SCN11A: variants seen among roughly 807,000 people sequenced by gnomAD.
The protein encoded by SCN11A is sodium voltage-gated channel alpha subunit 11.
In SCN11A, 122 loss-of-function variants were observed where a neutral mutation model predicts 162.2. That is an observed-to-expected ratio of 0.75 (90% CI 0.65 to 0.87). The LOEUF is 0.87. SCN11A is among the 40% of genes least tolerant of loss of function. SCN11A has a pLI of 0.00. For synonymous variants in SCN11A, 758 were observed against 751.5 expected, an observed-to-expected ratio of 1.01 and a Z score of -0.14; for missense variants, 2,015 against 2,181.6, an observed-to-expected ratio of 0.92 and a Z score of 1.52.
chr3:38,879,466 A>G (rs1001217219), intron 23 of SCN11A, among the ~76,000 whole-genome samples: 1 of 152,192 alleles, frequency 6.6e-6, no homozygotes, highest in African/African-American at 2.4e-5. Context: ...GGTGTCATAC[A>G]ATGCTGCTTA....
rs141094463 is a variant in SCN11A, at chr3:39,043,648, G to A, written c.-404+8213C>T. The stretch of plus-strand genomic sequence containing the variant: ...AAGCAACTGAACTCATGGATACAGA[G>A]AATAGAAGAATGGTTACCAGAAACT... On this transcript the variant is annotated intron_variant, in intron 1 of 29. Transcript: ENST00000302328. Among the ~76,000 whole-genome samples, 706 of 150,782 alleles carry A rather than the reference G, an allele frequency of 4.7e-3. 6 individuals carry two copies. Among genetic ancestry groups the A allele is most frequent in the African/African-American group, 0.016 (645 of 41,320 alleles).
chr3:39,041,310 C>G (rs1017466648), intron 1 of SCN11A, among the ~76,000 whole-genome samples: 8 of 152,094 alleles, frequency 5.3e-5, no homozygotes, highest in African/African-American at 1.9e-4. Context: ...TGAAACCCTT[C>G]TAAGACTTTG....
intron 7 of SCN11A, among the ~76,000 whole-genome samples, chr3:38,936,228 T>C (rs2125563574): frequency 6.6e-6 from 1 of 152,168 alleles, no homozygotes; most frequent in South Asian, 2.1e-4. Context: ...CTCAAAATAA[T>C]AAGAGCTATC....
At chr3:39,018,775 G>A (rs1404244029) in intron 2 of SCN11A, among the ~76,000 whole-genome samples, 2 of 152,066 alleles carry the variant, frequency 1.3e-5, no homozygotes, top group Admixed American at 6.6e-5. Context: ...CCGAGATGGC[G>A]CCACTGCACT....
Position 38,945,584 on chromosome 3 carries a change from G to A in SCN11A, c.387-72C>T. The A allele has an allele frequency of 2.8e-6, 3 of 1,075,338 alleles. No homozygotes were observed. In the African/African-American group the frequency reaches 4.8e-5, roughly 17 times the overall value. The allele number at this position is 1,075,338 out of a possible 1,614,324, so 66.6% of individuals were successfully genotyped here. A position where few individuals can be genotyped will look rare whatever the true frequency, so the allele number is the denominator to read the frequency against. Reference sequence around the variant, plus strand: ...CATTAGCTACTGGGTAAGACTGGGGGTGCCCCTGATGGTCCCCTTTTCTGC... The same window carrying A: ...CATTAGCTACTGGGTAAGACTGGGGATGCCCCTGATGGTCCCCTTTTCTGC... On this transcript the variant is annotated intron_variant, in intron 6 of 29. Transcript: ENST00000302328.
chr3:39,023,890 G>A (rs778501860), intron 2 of SCN11A, among the ~76,000 whole-genome samples: 6 of 152,194 alleles, frequency 3.9e-5, no homozygotes, highest in East Asian at 3.9e-4. Flanking sequence ...TGATCTGCCC[G>A]CCTTGGCCTC....
intron 24 of SCN11A, 98 bp downstream of exon 24, chr3:38,872,095 G>C (rs1009734898): frequency 1.5e-5 from 12 of 787,422 alleles, no homozygotes; most frequent in Non-Finnish European, 2.4e-5. Context: ...CCCAGGAAAA[G>C]CTTGGCAATT....
intron 8 of SCN11A, among the ~76,000 whole-genome samples, chr3:38,926,219 C>T (rs2066138225): frequency 6.6e-6 from 1 of 152,188 alleles, no homozygotes; most frequent in Non-Finnish European, 1.5e-5. Flanking sequence ...CTTCACCTTA[C>T]ACCATACATG....
At chr3:38,908,202 G>A in intron 13 of SCN11A, 80 bp from the exon 14 acceptor site, 1 of 1,261,946 alleles carries the variant, frequency 7.9e-7, no homozygotes, top group Admixed American at 2.1e-5. Context: ...CCTGAGAGTG[G>A]TGAAAATCTC....
At chr3:38,851,832 T>C (rs1048641868) in intron 28 of SCN11A, among the ~76,000 whole-genome samples, 6 of 152,110 alleles carry the variant, frequency 3.9e-5, no homozygotes, top group Non-Finnish European at 8.8e-5. Flanking sequence ...CAGATAAAGA[T>C]AAAAGCATAT....
At chr3:38,980,399 T>A (rs1406092128) in intron 2 of SCN11A, among the ~76,000 whole-genome samples, 2 of 152,010 alleles carry the variant, frequency 1.3e-5, no homozygotes, top group Non-Finnish European at 2.9e-5. Context: ...GGAAGGGAAG[T>A]TAATGGGGAA....
intron 9 of SCN11A, among the ~76,000 whole-genome samples, chr3:38,921,858 T>G (rs2066058398): frequency 1.3e-5 from 2 of 152,242 alleles, no homozygotes; most frequent in Non-Finnish European, 2.9e-5. Flanking sequence ...GGCACACTGT[T>G]AAGCTGCCAA....
At chr3:39,008,744 G>A (rs2031044716) in intron 2 of SCN11A, among the ~76,000 whole-genome samples, 1 of 152,054 alleles carries the variant, frequency 6.6e-6, no homozygotes, top group South Asian at 2.1e-4. Flanking sequence ...AAGGGTGGGT[G>A]TAGTGGCACG....
intron 11 of SCN11A, 69 bp downstream of exon 11, chr3:38,919,866 G>A (rs2066016973): frequency 1.8e-6 from 2 of 1,126,990 alleles, no homozygotes; most frequent in South Asian, 1.3e-5. Context: ...ATTAAAGACT[G>A]TTTGCCACAC....
chr3:38,963,490 G>A (rs1244675414), intron 2 of SCN11A, among the ~76,000 whole-genome samples: 2 of 137,404 alleles, frequency 1.5e-5, no homozygotes, highest in African/African-American at 5.3e-5. Flanking sequence ...TATATATGAT[G>A]GAGATATATA....
chr3:39,013,030 TATAAATGCAAG>T (rs1294632198), intron 2 of SCN11A, among the ~76,000 whole-genome samples: 1 of 152,230 alleles, frequency 6.6e-6, no homozygotes, highest in Non-Finnish European at 1.5e-5. Flanking sequence ...AGCTAGAGTT[TATAAATGCAAG>T]ATAAATGCTT....
intron 19 of SCN11A, 107 bp from the exon 20 acceptor site, chr3:38,886,345 CT>C: frequency 1.6e-6 from 1 of 618,986 alleles, no homozygotes; most frequent in Non-Finnish European, 2.8e-6. Context: ...GAGAATAAGC[CT>C]TTGACATTAT....
chr3:38,883,386 G>A lies in SCN11A; in HGVS notation c.3066C>T (p.Gly1022=), dbSNP rs1171444290. The A allele has an allele frequency of 3.1e-5, 50 of 1,611,608 alleles. No homozygotes were observed. Among genetic ancestry groups the A allele is most frequent in the Non-Finnish European group, 4.0e-5 (47 of 1,179,054 alleles). Residue 1022 remains glycine, a splice_region_variant and synonymous_variant, in exon 22 of 30, where the codon GGC becomes GGT. Coordinates refer to ENST00000302328, the MANE Select transcript of SCN11A (RefSeq NM_001349253.2). ...KKQPERCLPK[G]FGCCFPCCSV... is the part of the protein sequence containing the mutation. ...TACAGCATGGAAAGCAGCAACCAAA[G>A]CCTGAAAGGAATTAATGGTAGCACT...
At chr3:39,042,301 T>C (rs891737387) in intron 1 of SCN11A, among the ~76,000 whole-genome samples, 4 of 152,122 alleles carry the variant, frequency 2.6e-5, no homozygotes, top group Non-Finnish European at 4.4e-5. Flanking sequence ...GAGCCTATTC[T>C]GCCTATAAGA....
Sources: allele counts gnomAD v4.1 joint callset (sites outside exome capture counted in the v4.1 genomes callset), GRCh38; gene constraint gnomAD v4.1.1; transcripts MANE v1.5; gene names NCBI Gene and HGNC (gene_info 2026-07-23, HGNC 2026-07-21).